Variants in MCCC1 observed in about 807,000 individuals in gnomAD.
MCCC1 encodes the protein methylcrotonyl-CoA carboxylase subunit 1, also known as methylcrotonoyl-CoA carboxylase subunit alpha, mitochondrial.
MCCC1 carries 64 observed loss-of-function variants against 83.8 expected under a neutral mutation model. That is an observed-to-expected ratio of 0.76 (90% CI 0.62 to 0.94). MCCC1 has a LOEUF of 0.94. Ranked by LOEUF, MCCC1 falls within the 40% of genes least tolerant of loss-of-function variation. The pLI is 0.00. For missense variants in MCCC1, 807 were observed against 904.7 expected (o/e 0.89, Z 1.39); for synonymous variants, 322 against 315.4 (o/e 1.02, Z -0.22).
chr3:183,084,835 T>C (rs990818970), intron 4 of MCCC1, among the ~76,000 whole-genome samples: 15 of 152,236 alleles, frequency 9.9e-5, no homozygotes, highest in Admixed American at 7.2e-4. Context: ...GGTGGGAGGA[T>C]TGCTTGAACC....
chr3:183,026,116 C>T (rs376904484), intron 14 of MCCC1, among the ~76,000 whole-genome samples: 1 of 152,182 alleles, frequency 6.6e-6, no homozygotes, highest in African/African-American at 2.4e-5. Context: ...AATCACAGCT[C>T]ACTGCAGCCT....
rs142040542 is a variant in MCCC1 at position 183,061,969 on chromosome 3, G to A, written c.762-4547C>T. The stretch of plus-strand genomic sequence containing the variant: ...TGAATCATGGGGGCAGGTTTTTCCC[G>A]TGCTGTTCTTGTGATAGTAAAGTCT... On this transcript the variant is annotated intron_variant, in intron 7 of 18. Transcript: ENST00000265594. Among the ~76,000 whole-genome samples the A allele has an allele frequency of 4.0e-3, 602 of 152,174 alleles. 1 individual carries two copies. The highest frequency in any genetic ancestry group is 0.014 in the African/African-American group (565 of 41,510).
At chr3:183,075,364 T>A (rs1337677532) in intron 4 of MCCC1, among the ~76,000 whole-genome samples, 3 of 152,200 alleles carry the variant, frequency 2.0e-5, no homozygotes, top group Non-Finnish European at 4.4e-5. Flanking sequence ...CTCCACAACC[T>A]CCTGACATCT....
chr3:183,059,512 CTG>C (rs1372248319), intron 7 of MCCC1, among the ~76,000 whole-genome samples: 1 of 152,128 alleles, frequency 6.6e-6, no homozygotes, highest in Non-Finnish European at 1.5e-5. Context: ...TTTAAACAAA[CTG>C]TTATCTGTTA....
rs749287771 is a variant in MCCC1, at chr3:183,071,214, C to G, written c.635G>C (p.Gly212Ala). 6.2e-7 allele frequency: 1 copy of G among 1,614,024 alleles called. No individual in the cohort carries two copies. The highest frequency in any genetic ancestry group is 1.7e-5 in the Admixed American group (1 of 59,988). ...VMIKAVRGGG[G>A]KGMRIVRSEQ... Reference sequence around the variant, plus strand: ...CACAAGCATGCACAATCTTACTTTTCCTCCTCCACCCCGGACGGCTTTAAT... The same window carrying G: ...CACAAGCATGCACAATCTTACTTTTGCTCCTCCACCCCGGACGGCTTTAAT... Residue 212 changes from glycine (G) to alanine (A), a missense_variant, in exon 6 of 19, where the codon GGA becomes GCA. Transcript: ENST00000265594.
intron 1 of MCCC1, among the ~76,000 whole-genome samples, chr3:183,095,068 G>C (rs1430433314): frequency 2.0e-5 from 3 of 152,160 alleles, no homozygotes; most frequent in Non-Finnish European, 2.9e-5. Context: ...CAGATCATGA[G>C]GTCAGGAGAT....
intron 3 of MCCC1, among the ~76,000 whole-genome samples, chr3:183,088,818 CAT>C (rs1718106976): frequency 6.6e-6 from 1 of 152,198 alleles, no homozygotes; most frequent in East Asian, 1.9e-4. Flanking sequence ...TGCTAGTACA[CAT>C]GTCTATACCT....
chr3:183,049,478 A>C (rs1714794752), intron 9 of MCCC1, among the ~76,000 whole-genome samples: 1 of 151,706 alleles, frequency 6.6e-6, no homozygotes. Flanking sequence ...AGGCTGAGGC[A>C]GGAGAATTGC....
intron 14 of MCCC1, among the ~76,000 whole-genome samples, chr3:183,028,400 A>G (rs1229464364): frequency 1.3e-5 from 2 of 152,260 alleles, no homozygotes; most frequent in Non-Finnish European, 2.9e-5. Flanking sequence ...CTGCTAAGAC[A>G]ACATCCTTTC....
At chr3:183,091,982 G>A (rs911018289) in intron 3 of MCCC1, among the ~76,000 whole-genome samples, 2 of 151,906 alleles carry the variant, frequency 1.3e-5, no homozygotes, top group Non-Finnish European at 2.9e-5. Context: ...AACCTGAGAG[G>A]CGGAGCTTGC....
chr3:183,092,410 A>G lies in MCCC1; in HGVS notation c.272T>C (p.Met91Thr), dbSNP rs1333663197. The G allele has an allele frequency of 1.9e-6, 3 of 1,614,204 alleles. No individual in the cohort carries two copies. Among genetic ancestry groups the G allele is most frequent in the Non-Finnish European group, 2.5e-6 (3 of 1,180,040 alleles). Residue 91 changes from methionine (M) to threonine (T), a missense_variant and splice_region_variant, in exon 3 of 19, where the codon ATG becomes ACG. Transcript: ENST00000265594. ...EADRNSMHVD[M>T]ADEAYSIGPA... ...TGGCTTCCAATTTTTAACACATACC[A>G]TATCTACATGCATGGAATTTCTGTC...
intron 1 of MCCC1, among the ~76,000 whole-genome samples, chr3:183,109,321 C>T (rs1234117997): frequency 1.3e-5 from 2 of 151,996 alleles, no homozygotes; most frequent in Non-Finnish European, 2.9e-5. Flanking sequence ...GGGTATATTG[C>T]ATGCTGCTGA....
chr3:183,088,441 A>T (rs1437730403), intron 3 of MCCC1, among the ~76,000 whole-genome samples: 1 of 152,156 alleles, frequency 6.6e-6, no homozygotes, highest in Non-Finnish European at 1.5e-5. Flanking sequence ...TCCTGACCTC[A>T]GGTGATCTGC....
intron 4 of MCCC1, among the ~76,000 whole-genome samples, chr3:183,081,896 T>C (rs1369806039): frequency 1.3e-5 from 2 of 152,132 alleles, no homozygotes; most frequent in African/African-American, 4.8e-5. Flanking sequence ...GGCTTGCTCA[T>C]GCCCAGAGAG....
At chr3:183,034,405 T>C (rs1475693393) in intron 13 of MCCC1, among the ~76,000 whole-genome samples, 3 of 140,642 alleles carry the variant, frequency 2.1e-5, no homozygotes, top group Non-Finnish European at 4.5e-5. Context: ...GAGCCAAGAT[T>C]GCGCCACTGC....
chr3:183,051,294 T>C (rs1714955226), intron 9 of MCCC1, among the ~76,000 whole-genome samples: 1 of 152,102 alleles, frequency 6.6e-6, no homozygotes, highest in Non-Finnish European at 1.5e-5. Flanking sequence ...AGTAGCTAAA[T>C]AGATAATAAA....
intron 1 of MCCC1, chr3:183,098,470 A>G (rs1461018771): frequency 6.6e-6 from 1 of 152,274 alleles, no homozygotes; most frequent in Non-Finnish European, 1.5e-5. Context: ...ATTAAAGAAG[A>G]AATATTAAGT....
chr3:183,057,277 GAGA>G (rs777185763), intron 8 of MCCC1, 31 bp downstream of exon 8: 87 of 1,459,506 alleles, frequency 6.0e-5, no homozygotes, highest in Non-Finnish European at 7.9e-5. Flanking sequence ...TCACATTACG[GAGA>G]AGCTTACAAA....
At chr3:183,114,924 A>G (rs1719565206) in intron 1 of MCCC1, among the ~76,000 whole-genome samples, 1 of 152,118 alleles carries the variant, frequency 6.6e-6, no homozygotes, top group Non-Finnish European at 1.5e-5. Flanking sequence ...CTGCAAACCA[A>G]GCTCCTTTGG....
Sources: gnomAD v4.1 joint callset for allele counts (sites outside exome capture counted in the v4.1 genomes callset) on GRCh38, gnomAD v4.1.1 for gene constraint, MANE v1.5 for transcripts, NCBI Gene and HGNC (gene_info 2026-07-23, HGNC 2026-07-21) for gene names.